UGT2A1: variants seen among roughly 807,000 people sequenced by gnomAD.
The protein encoded by UGT2A1 is UDP glucuronosyltransferase family 2 member A1 complex locus.
In UGT2A1, 61 loss-of-function variants were observed where a neutral mutation model predicts 45.4. The observed-to-expected ratio is 1.34, with a 90% CI of 1.09 to 1.66. UGT2A1 has a LOEUF of 1.66. Ranked by LOEUF, UGT2A1 falls within the 40% of genes most tolerant of loss-of-function variation. The probability of loss-of-function intolerance (pLI) is 0.00; values close to 1 mark genes in which losing one functional copy is unlikely to be tolerated. For missense variants in UGT2A1, 649 were observed against 574.3 expected, an observed-to-expected ratio of 1.13 and a Z score of -1.33; for synonymous variants, 229 against 196.2, an observed-to-expected ratio of 1.17 and a Z score of -1.40.
At chr4:69,623,241 A>G (rs139583339) in intron 3 of UGT2A1, among the ~76,000 whole-genome samples, 1 of 151,934 alleles carries the variant, frequency 6.6e-6, no homozygotes, top group African/African-American at 2.4e-5. Context: ...GCCAAGTGAT[A>G]CCACTACCCC....
intron 2 of UGT2A1, chr4:69,639,264 G>C: frequency 6.2e-7 from 1 of 1,613,698 alleles, no homozygotes; most frequent in Non-Finnish European, 8.5e-7. Flanking sequence ...TTGAAAGAAA[G>C]TGTCTAGAAG....
chr4:69,622,419 C>T (rs1463618982), intron 3 of UGT2A1, among the ~76,000 whole-genome samples: 1 of 151,556 alleles, frequency 6.6e-6, no homozygotes, highest in Non-Finnish European at 1.5e-5. Context: ...TTATCTGAAA[C>T]AATTCTTAAC....
chr4:69,648,262 A>C (rs1043488107), intron 1 of UGT2A1, among the ~76,000 whole-genome samples: 164 of 143,762 alleles, frequency 1.1e-3, no homozygotes, highest in African/African-American at 4.1e-3. Context: ...ATATAGTATT[A>C]TATTACTACT....
intron 3 of UGT2A1, among the ~76,000 whole-genome samples, chr4:69,621,463 T>C (rs1392620328): frequency 6.6e-6 from 1 of 151,862 alleles, no homozygotes; most frequent in East Asian, 1.9e-4. Context: ...CCATTTTATG[T>C]CAGTCAGATT....
chr4:69,617,902 CACAGTA>C (rs1720496492), intron 3 of UGT2A1, among the ~76,000 whole-genome samples: 1 of 151,732 alleles, frequency 6.6e-6, no homozygotes, highest in South Asian at 2.1e-4. Flanking sequence ...ACAAAACCGA[CACAGTA>C]ACAGTAACAA....
intron 4 of UGT2A1, among the ~76,000 whole-genome samples, chr4:69,597,630 T>C (rs1376009807): frequency 6.6e-6 from 1 of 152,184 alleles, no homozygotes; most frequent in Non-Finnish European, 1.5e-5. Flanking sequence ...GCTTAGTTAA[T>C]GTCAGGAGAA....
chr4:69,608,546 C>T (rs1447635892), intron 3 of UGT2A1, among the ~76,000 whole-genome samples: 2 of 150,184 alleles, frequency 1.3e-5, no homozygotes, highest in Admixed American at 6.7e-5. Context: ...TACATGTACC[C>T]TAAAACTTAA....
chr4:69,618,122 C>G (rs1431478938), intron 3 of UGT2A1, among the ~76,000 whole-genome samples: 1 of 151,210 alleles, frequency 6.6e-6, no homozygotes, highest in Non-Finnish European at 1.5e-5. Context: ...TATTTAGTAT[C>G]CGTGTACGTA....
chr4:69,643,682 CAG>C (rs1308263011), intron 2 of UGT2A1, among the ~76,000 whole-genome samples: 1 of 151,528 alleles, frequency 6.6e-6, no homozygotes, highest in Non-Finnish European at 1.5e-5. Context: ...TACCAATTAG[CAG>C]AGATTAAGGA....
intron 2 of UGT2A1, among the ~76,000 whole-genome samples, chr4:69,641,984 G>A (rs551745997): frequency 1.4e-4 from 22 of 151,820 alleles, no homozygotes; most frequent in African/African-American, 4.8e-4. Flanking sequence ...ACAGACTGGG[G>A]AATCTAGGGT....
At chr4:69,591,239 C>T (rs986609938) in intron 6 of UGT2A1, among the ~76,000 whole-genome samples, 1 of 152,004 alleles carries the variant, frequency 6.6e-6, no homozygotes, top group Non-Finnish European at 1.5e-5. Flanking sequence ...GTATATGTGC[C>T]CAAGGTGGCT....
At chr4:69,607,441 T>G (rs1438638275) in intron 3 of UGT2A1, among the ~76,000 whole-genome samples, 2 of 151,970 alleles carry the variant, frequency 1.3e-5, no homozygotes, top group African/African-American at 4.8e-5. Flanking sequence ...AAGACTTACA[T>G]GTTAGACCTA....
intron 3 of UGT2A1, among the ~76,000 whole-genome samples, chr4:69,627,546 GAA>G (rs1491371477): frequency 0.058 from 5,616 of 97,434 alleles, 131 homozygotes; most frequent in Middle Eastern, 0.086. Context: ...GAGAGAGAGA[GAA>G]AGAGAGAGAG....
At chr4:69,614,884 G>A (rs1289104856) in intron 3 of UGT2A1, among the ~76,000 whole-genome samples, 2 of 152,044 alleles carry the variant, frequency 1.3e-5, no homozygotes, top group East Asian at 3.9e-4. Flanking sequence ...GGCTGTACAG[G>A]AGGCATGGTT....
intron 3 of UGT2A1, among the ~76,000 whole-genome samples, chr4:69,624,867 T>C (rs28818211): frequency 0.35 from 53,016 of 150,992 alleles, 9,657 homozygotes; most frequent in African/African-American, 0.43. Flanking sequence ...TTTTTATTCA[T>C]TGACTTATTT....
chr4:69,612,484 A>T (rs1428948916), intron 3 of UGT2A1, among the ~76,000 whole-genome samples: 2 of 152,046 alleles, frequency 1.3e-5, no homozygotes, highest in Non-Finnish European at 2.9e-5. Flanking sequence ...CCAACTTCAA[A>T]CTATAAGACT....
In UGT2A1 at chr4:69,647,097, C is replaced by T. The variant is rs1264426762; in HGVS notation, c.548G>A (p.Cys183Tyr). ...FSPASTVEKHCGKVPYPPSYV... is the reference protein window; with the variant it reads ...FSPASTVEKHYGKVPYPPSYV... ...GGAAGGAGGGTATGGTACCTTCCCACAGTGCTTTTCCACTGTTGAGGCTGG... is the reference window on the plus strand; with the variant it reads ...GGAAGGAGGGTATGGTACCTTCCCATAGTGCTTTTCCACTGTTGAGGCTGG... The change falls in exon 2 of 7, where the codon TGT (cysteine) becomes TAT (tyrosine). Residue 183 changes from cysteine (C) to tyrosine (Y), a missense_variant. Coordinates refer to ENST00000286604, the MANE Select transcript of UGT2A1 (RefSeq NM_001252275.3). 2 of 1,612,684 alleles carry T rather than the reference C, an allele frequency of 1.2e-6. No individual in the cohort carries two copies. Among genetic ancestry groups the T allele is most frequent in the East Asian group, 2.2e-5 (1 of 44,856 alleles).
At chr4:69,631,148 C>A (rs534950896) in intron 3 of UGT2A1, among the ~76,000 whole-genome samples, 11 of 152,016 alleles carry the variant, frequency 7.2e-5, no homozygotes, top group Non-Finnish European at 1.5e-4. Context: ...TTCCTATTAA[C>A]GTCTTTTCTT....
At position 69,603,340 on chromosome 4, in the gene UGT2A1, C is replaced by T. The variant is rs1719408010; in HGVS notation, c.848-3946G>A. On this transcript the variant is annotated intron_variant, in intron 3 of 6. Coordinates refer to ENST00000286604, the MANE Select transcript of UGT2A1 (RefSeq NM_001252275.3). ...CTTATGTAATGAAATTCATGAATGACAAAGATGCAGGCATGCAGGAAAAAA... is the reference window on the plus strand; with the variant it reads ...CTTATGTAATGAAATTCATGAATGATAAAGATGCAGGCATGCAGGAAAAAA... Among the ~76,000 whole-genome samples the T allele has an allele frequency of 3.7e-5, 5 of 136,224 alleles. 2 individuals carry two copies. In the South Asian group the frequency reaches 1.2e-3, roughly 33 times the overall value. The allele number at this position is 136,224 out of a possible 152,430, so 89.4% of individuals were successfully genotyped here.
Sources: allele counts gnomAD v4.1 joint callset (sites outside exome capture counted in the v4.1 genomes callset), GRCh38; gene constraint gnomAD v4.1.1; transcripts MANE v1.5; gene names NCBI Gene and HGNC (gene_info 2026-07-23, HGNC 2026-07-21).